GRM8: variants seen among roughly 807,000 people sequenced by gnomAD.
GRM8 encodes the protein metabotropic glutamate receptor 8.
In GRM8, 47 loss-of-function variants were observed where a neutral mutation model predicts 87.2. The ratio of observed to expected loss-of-function variants is 0.54; its 90% confidence interval spans 0.43 to 0.69. The LOEUF (loss-of-function observed/expected upper bound fraction) is 0.69. Ranked by LOEUF, GRM8 falls within the 30% of genes least tolerant of loss-of-function variation. GRM8 has a pLI of 0.00. For missense variants in GRM8, 1,019 were observed against 1,139.2 expected, an observed-to-expected ratio of 0.89 and a Z score of 1.52; for synonymous variants, 396 against 404.5, an observed-to-expected ratio of 0.98 and a Z score of 0.25.
At chr7:127,059,153 G>A (rs930535456) in intron 3 of GRM8, among the ~76,000 whole-genome samples, 1 of 151,960 alleles carries the variant, frequency 6.6e-6, no homozygotes, top group African/African-American at 2.4e-5. Flanking sequence ...ATCCTATAGG[G>A]GAGAGAACAT....
At chr7:126,476,828 A>G (rs1364471404) in intron 9 of GRM8, among the ~76,000 whole-genome samples, 2 of 151,082 alleles carry the variant, frequency 1.3e-5, no homozygotes, top group African/African-American at 2.4e-5. Flanking sequence ...TATGAAAAAC[A>G]TTATGAAGAT....
chr7:126,978,846 C>G (rs938560281), intron 3 of GRM8, among the ~76,000 whole-genome samples: 1 of 152,100 alleles, frequency 6.6e-6, no homozygotes, highest in African/African-American at 2.4e-5. Context: ...TTCAGAAAAC[C>G]CTAAGAGACT....
At chr7:126,734,725 CT>C (rs1043237835) in intron 7 of GRM8, among the ~76,000 whole-genome samples, 257 of 152,056 alleles carry the variant, frequency 1.7e-3, no homozygotes, top group African/African-American at 5.7e-3. Context: ...GTCCTGAAAG[CT>C]TACTATGGCT....
At chr7:127,162,215 A>G (rs1793161156) in intron 2 of GRM8, among the ~76,000 whole-genome samples, 1 of 152,202 alleles carries the variant, frequency 6.6e-6, no homozygotes, top group South Asian at 2.1e-4. Context: ...GCCACAAAGA[A>G]CAGGAGCTAC....
chr7:126,751,182 ATG>A (rs1816372422), intron 7 of GRM8, among the ~76,000 whole-genome samples: 1 of 152,108 alleles, frequency 6.6e-6, no homozygotes, highest in African/African-American at 2.4e-5. Flanking sequence ...AAGAAAACCA[ATG>A]TGACTAAATA....
At chr7:127,094,298 A>G (rs1824435265) in intron 3 of GRM8, among the ~76,000 whole-genome samples, 1 of 152,228 alleles carries the variant, frequency 6.6e-6, no homozygotes, top group Admixed American at 6.5e-5. Context: ...ATGGGAGAGA[A>G]GCACACTTCC....
chr7:127,235,643 T>C (rs1421273449), intron 2 of GRM8, among the ~76,000 whole-genome samples: 1 of 152,196 alleles, frequency 6.6e-6, no homozygotes, highest in East Asian at 1.9e-4. Flanking sequence ...ATTAAAAAAA[T>C]AAAGTCCTGC....
At chr7:126,965,858 T>A (rs1809796623) in intron 3 of GRM8, among the ~76,000 whole-genome samples, 1 of 152,088 alleles carries the variant, frequency 6.6e-6, no homozygotes, top group Non-Finnish European at 1.5e-5. Flanking sequence ...TCATTACACT[T>A]ATGCATATAA....
chr7:126,759,487 C>A (rs752778987), intron 7 of GRM8, among the ~76,000 whole-genome samples: 16 of 152,116 alleles, frequency 1.1e-4, no homozygotes, highest in Non-Finnish European at 1.8e-4. Flanking sequence ...AGATGCCCAT[C>A]TCAGCAGTAA....
intron 3 of GRM8, among the ~76,000 whole-genome samples, chr7:127,105,864 A>T (rs1355320893): frequency 1.3e-5 from 2 of 152,228 alleles, no homozygotes; most frequent in Non-Finnish European, 2.9e-5. Context: ...TACACATACA[A>T]GATGGTAAAA....
intron 8 of GRM8, among the ~76,000 whole-genome samples, chr7:126,601,440 T>C (rs1389204549): frequency 6.6e-6 from 1 of 152,166 alleles, no homozygotes; most frequent in Non-Finnish European, 1.5e-5. Context: ...CATTTGGGTA[T>C]ATACCCAGTA....
intron 3 of GRM8, among the ~76,000 whole-genome samples, chr7:126,963,985 A>G (rs1586611549): frequency 6.6e-6 from 1 of 152,236 alleles, no homozygotes; most frequent in Non-Finnish European, 1.5e-5. Context: ...CCAATGGAAC[A>G]GTACAGAGGC....
chr7:126,832,199 TAAAG>T (rs1320331991), intron 6 of GRM8, among the ~76,000 whole-genome samples: 1 of 146,554 alleles, frequency 6.8e-6, no homozygotes, highest in African/African-American at 2.5e-5. Flanking sequence ...AAAGAAAAGA[TAAAG>T]AAAGAAAAGA....
intron 2 of GRM8, among the ~76,000 whole-genome samples, chr7:127,163,734 T>C (rs1793267842): frequency 6.6e-6 from 1 of 152,200 alleles, no homozygotes; most frequent in Non-Finnish European, 1.5e-5. Flanking sequence ...GAGATCATGA[T>C]TTGGTAATCA....
intron 7 of GRM8, among the ~76,000 whole-genome samples, chr7:126,711,419 T>C (rs1811085231): frequency 6.6e-6 from 1 of 152,178 alleles, no homozygotes; most frequent in Non-Finnish European, 1.5e-5. Context: ...ATTCAGTAAA[T>C]CATGCTATAA....
chr7:126,902,343 G>A (rs967779029), intron 6 of GRM8, among the ~76,000 whole-genome samples, 199 bp downstream of exon 6: 1 of 152,132 alleles, frequency 6.6e-6, no homozygotes, highest in African/African-American at 2.4e-5. Flanking sequence ...AAAACTTGCT[G>A]ATCCATTGAA....
chr7:127,033,210 G>T (rs1045807127), intron 3 of GRM8, among the ~76,000 whole-genome samples: 4 of 151,650 alleles, frequency 2.6e-5, no homozygotes, highest in African/African-American at 7.3e-5. Flanking sequence ...ATAGACCTAC[G>T]TAACATATGC....
intron 3 of GRM8, among the ~76,000 whole-genome samples, chr7:127,092,131 T>C (rs1247268060): frequency 2.7e-5 from 4 of 149,824 alleles, no homozygotes; most frequent in African/African-American, 9.9e-5. Context: ...GCTTAATCCC[T>C]TTTACAATTT....
intron 2 of GRM8, among the ~76,000 whole-genome samples, chr7:127,209,657 G>A (rs1215995662): frequency 1.3e-5 from 2 of 152,110 alleles, no homozygotes; most frequent in African/African-American, 4.8e-5. Flanking sequence ...GCACCCAAGG[G>A]GAAATCCCAG....
Sources: gnomAD v4.1 joint callset for allele counts (sites outside exome capture counted in the v4.1 genomes callset) on GRCh38, gnomAD v4.1.1 for gene constraint, MANE v1.5 for transcripts, NCBI Gene and HGNC (gene_info 2026-07-23, HGNC 2026-07-21) for gene names.